Variants in VAMP8 observed in about 807,000 individuals in gnomAD.
VAMP8 encodes the protein vesicle associated membrane protein 8.
A neutral mutation model predicts 11.4 loss-of-function variants in VAMP8; 9 were observed. The ratio of observed to expected loss-of-function variants is 0.79; its 90% confidence interval spans 0.48 to 1.38. The LOEUF (loss-of-function observed/expected upper bound fraction) is 1.38, where lower values mean the gene tolerates loss of function less well. Ranked by LOEUF, VAMP8 falls within the 40% of genes most tolerant of loss-of-function variation. The probability of loss-of-function intolerance (pLI) is 0.00; values close to 1 mark genes in which losing one functional copy is unlikely to be tolerated. For synonymous variants in VAMP8, 42 were observed against 44.7 expected (o/e 0.94, Z 0.24); for missense variants, 108 against 127.8 (o/e 0.85, Z 0.75).
chr2:85,579,447 A>G (rs1254828212), intron 2 of VAMP8, among the ~76,000 whole-genome samples: 3 of 152,214 alleles, frequency 2.0e-5, no homozygotes, highest in African/African-American at 7.2e-5. Context: ...ATGCATTCTC[A>G]GGCTTCTCTC....
In VAMP8 at chr2:85,579,166, C is replaced by A; in HGVS notation, c.161C>A (p.Thr54Lys). Residue 54 changes from threonine to lysine, a missense_variant and splice_region_variant, in exon 2 of 3, where the codon ACA becomes AAA. Transcript: ENST00000263864. Reference sequence around the variant, plus strand: ...AACAAGACAGAGGATCTGGAAGCCACAGTGAGACAGGGAGCCCACTGGGGG... The same window carrying A: ...AACAAGACAGAGGATCTGGAAGCCAAAGTGAGACAGGGAGCCCACTGGGGG... ...LRNKTEDLEA[T>K]SEHFKTTSQK... The A allele has an allele frequency of 6.3e-7, 1 of 1,587,824 alleles. No individual in the cohort carries two copies. Among genetic ancestry groups the A allele is most frequent in the Admixed American group, 1.7e-5 (1 of 57,984 alleles).
intron 1 of VAMP8, among the ~76,000 whole-genome samples, chr2:85,578,386 G>A (rs1314019102): frequency 2.0e-5 from 3 of 152,194 alleles, no homozygotes; most frequent in Non-Finnish European, 2.9e-5. Flanking sequence ...GTTGCTTGGT[G>A]CCTGCACGTG....
At position 85,579,865 on chromosome 2, in the gene VAMP8, T is replaced by A. The variant is rs776966463; in HGVS notation, c.162+698T>A. 20 of 1,550,592 alleles carry A rather than the reference T, an allele frequency of 1.3e-5. No homozygotes were observed. The South Asian group carries it at 2.4e-4, about 18-fold the overall frequency. ...GCTTTCTGAGTCCTGTGTGAACTCT[T>A]GGCTCTTGGGTATTGCTCCCTTGTC... On this transcript the variant is annotated intron_variant, in intron 2 of 2. Coordinates refer to ENST00000263864, the MANE Select transcript of VAMP8 (RefSeq NM_003761.5).
intron 2 of VAMP8, 112 bp from the exon 3 acceptor site, chr2:85,581,464 T>G: frequency 7.5e-7 from 1 of 1,334,148 alleles, no homozygotes; most frequent in Non-Finnish European, 1.0e-6. Flanking sequence ...AGAGCGAGAC[T>G]CCATCTCAAA....
At chr2:85,579,955 G>A (rs1465924792) in intron 2 of VAMP8, 31 of 1,477,918 alleles carry the variant, frequency 2.1e-5, no homozygotes, top group Non-Finnish European at 2.7e-5. Flanking sequence ...CATGGCCCCG[G>A]GAATTTTTTT....
rs1215276015 is a variant in VAMP8, at chr2:85,577,616, A to T, written c.-31A>T. 1 of 1,551,938 alleles carries T rather than the reference A, an allele frequency of 6.4e-7. No homozygotes were observed. Reference sequence around the variant, plus strand: ...GGGAGGAAGCCGACTAGGCGAATTCACTTACTGACCGGCCTGGGCTGCTCT... The same window carrying T: ...GGGAGGAAGCCGACTAGGCGAATTCTCTTACTGACCGGCCTGGGCTGCTCT... On this transcript the variant is annotated 5_prime_UTR_variant, in exon 1 of 3. Coordinates refer to ENST00000263864, the MANE Select transcript of VAMP8 (RefSeq NM_003761.5).
At chr2:85,580,591 A>G (rs1182781163) in intron 2 of VAMP8, among the ~76,000 whole-genome samples, 1 of 151,500 alleles carries the variant, frequency 6.6e-6, no homozygotes, top group Admixed American at 6.6e-5. Flanking sequence ...GATCCTGAGA[A>G]TTCTAAATTT....
rs941702590 is a variant in VAMP8 at position 85,579,156 on chromosome 2, C to T, written c.151C>T (p.Leu51=). The change falls in exon 2 of 3, where the codon CTG becomes TTG. Residue 51 remains leucine, a synonymous_variant. Transcript: ENST00000263864. ...ACATCTCCGCAACAAGACAGAGGAT[C>T]TGGAAGCCACAGTGAGACAGGGAGC... ...LEHLRNKTED[L]EATSEHFKTT... The T allele has an allele frequency of 2.5e-6, 4 of 1,595,036 alleles. No homozygotes were observed. The African/African-American group carries it at 5.4e-5, about 21-fold the overall frequency.
rs1215482144 is a variant in VAMP8, at chr2:85,581,758, A to C, written c.*42A>C. Reference sequence around the variant, plus strand: ...CCCACCTGCCCTTCTCTTCAGGGACAACCCTCCATAAATGTGTGCCAAGAG... The same window carrying C: ...CCCACCTGCCCTTCTCTTCAGGGACCACCCTCCATAAATGTGTGCCAAGAG... On this transcript the variant is annotated 3_prime_UTR_variant, in exon 3 of 3. Coordinates refer to ENST00000263864, the MANE Select transcript of VAMP8 (RefSeq NM_003761.5). 3.1e-6 allele frequency: 5 copies of C among 1,611,706 alleles called. No homozygotes were observed. In the South Asian group the frequency reaches 5.5e-5, roughly 18 times the overall value.
At chr2:85,581,451 G>C in intron 2 of VAMP8, 125 bp from the exon 3 acceptor site, 1 of 1,230,572 alleles carries the variant, frequency 8.1e-7, no homozygotes, top group Non-Finnish European at 1.1e-6. Flanking sequence ...CTGCCTGAGT[G>C]ACAGAGCGAG....
chr2:85,579,441 A>G (rs1672333250), intron 2 of VAMP8, among the ~76,000 whole-genome samples: 1 of 152,188 alleles, frequency 6.6e-6, no homozygotes, highest in African/African-American at 2.4e-5. Flanking sequence ...CAGCCCATGC[A>G]TTCTCAGGCT....
At chr2:85,578,341 C>T (rs1462651367) in intron 1 of VAMP8, among the ~76,000 whole-genome samples, 2 of 152,020 alleles carry the variant, frequency 1.3e-5, no homozygotes, top group East Asian at 1.9e-4. Flanking sequence ...AACACCCAGG[C>T]GGGTATTTTT....
intron 1 of VAMP8, 59 bp from the exon 2 acceptor site, chr2:85,578,950 G>A: frequency 6.4e-7 from 1 of 1,560,170 alleles, no homozygotes; most frequent in Non-Finnish European, 8.7e-7. Context: ...CCAGATCTCT[G>A]AGCCCAAGTC....
intron 2 of VAMP8, among the ~76,000 whole-genome samples, chr2:85,579,508 C>G (rs1672334135): frequency 6.6e-6 from 1 of 152,214 alleles, no homozygotes; most frequent in South Asian, 2.1e-4. Context: ...TCATCTGGGT[C>G]TGACCTTCCC....
At chr2:85,581,450 T>A (rs1972297) in intron 2 of VAMP8, 126 bp from the exon 3 acceptor site, 5 of 1,209,116 alleles carry the variant, frequency 4.1e-6, no homozygotes, top group Non-Finnish European at 5.7e-6. Flanking sequence ...ACTGCCTGAG[T>A]GACAGAGCGA....
chr2:85,581,981 C>G lies in VAMP8; in HGVS notation c.*265C>G, dbSNP rs1672386985. ...GAGACCTAGAGGGCCCAGCATGTGG[C>G]TGGGAAACTGTTGGTGGCCAGTGGG... On this transcript the variant is annotated 3_prime_UTR_variant, in exon 3 of 3. Transcript: ENST00000263864. The G allele has an allele frequency of 4.5e-6, 2 of 445,346 alleles. No individual in the cohort carries two copies. Among genetic ancestry groups the G allele is most frequent in the East Asian group, 7.7e-5 (2 of 25,982 alleles). The allele number at this position is 445,346 out of a possible 1,614,324, so 27.6% of individuals were successfully genotyped here.
At position 85,579,736 on chromosome 2, in the gene VAMP8, C is replaced by T. The variant is rs1351216155; in HGVS notation, c.162+569C>T. ...CTTGCTAGACCTCATTCTTCTCTCT[C>T]TCCAGCCAGGGGCTGAGGCCAGCTG... On this transcript the variant is annotated intron_variant, in intron 2 of 2. Transcript: ENST00000263864. 3.2e-6 allele frequency: 5 copies of T among 1,550,574 alleles called. No homozygotes were observed. The South Asian group carries it at 3.6e-5, about 11-fold the overall frequency.
Position 85,581,703 on chromosome 2 carries a change from G to T in VAMP8, c.290G>T (p.Gly97Val). The T allele has an allele frequency of 6.2e-7, 1 of 1,614,066 alleles. No homozygotes were observed. The highest frequency in any genetic ancestry group is 1.1e-5 in the South Asian group (1 of 91,068). ...IILFIVLFATGAFS is the reference protein window; with the variant it reads ...IILFIVLFATVAFS ...CTCTTCATTGTGCTCTTTGCCACTG[G>T]TGCCTTCTCTTAAGTAACAGGGAAC... The change falls in exon 3 of 3, where the codon GGT becomes GTT. Residue 97 changes from glycine to valine, a missense_variant. Coordinates refer to ENST00000263864, the MANE Select transcript of VAMP8 (RefSeq NM_003761.5).
chr2:85,577,801 G>A, intron 1 of VAMP8, 152 bp downstream of exon 1: 1 of 1,091,142 alleles, frequency 9.2e-7, no homozygotes, highest in Non-Finnish European at 1.4e-6. Flanking sequence ...TGACAACTTG[G>A]CTGCAAATAG....
Sources: allele counts gnomAD v4.1 joint callset (sites outside exome capture counted in the v4.1 genomes callset), GRCh38; gene constraint gnomAD v4.1.1; transcripts MANE v1.5; gene names NCBI Gene and HGNC (gene_info 2026-07-23, HGNC 2026-07-21).